RGL4: variants seen among roughly 807,000 people sequenced by gnomAD.
RGL4 encodes the protein ral-GDS-related protein.
Under a neutral mutation model 49.6 loss-of-function variants are expected in RGL4, and 41 were observed. The observed-to-expected ratio is 0.83, with a 90% CI of 0.64 to 1.07. The LOEUF (loss-of-function observed/expected upper bound fraction) is 1.07, where lower values mean the gene tolerates loss of function less well. Among genes scored for constraint, RGL4 ranks in the 50% least tolerant of loss-of-function variants. The pLI is 0.00. For synonymous variants in RGL4, 255 were observed against 238.0 expected (o/e 1.07, Z -0.66); for missense variants, 610 against 591.9 (o/e 1.03, Z -0.32).
chr22:23,692,397 C>T lies in RGL4; in HGVS notation c.242C>T (p.Pro81Leu), dbSNP rs747834188. The T allele has an allele frequency of 1.9e-5, 30 of 1,614,078 alleles. No individual in the cohort carries two copies. Among genetic ancestry groups the T allele is most frequent in the Middle Eastern group, 3.3e-4 (2 of 6,084 alleles). ...PENTSVYYQPPQRSSFRIKLA... is the reference protein window; with the variant it reads ...PENTSVYYQPLQRSSFRIKLA... ...AACACTTCAGTTTACTATCAGCCCC[C>T]GCAACGGTCATCTTTCCGGATAAAG... Residue 81 changes from proline (P) to leucine (L), a missense_variant, in exon 2 of 11, where the codon CCG becomes CTG. Coordinates refer to ENST00000290691, the MANE Select transcript of RGL4 (RefSeq NM_153615.2).
In RGL4 at chr22:23,693,982, A is replaced by G. The variant is rs1179114353; in HGVS notation, c.912+8A>G. The G allele has an allele frequency of 1.2e-6, 2 of 1,612,006 alleles. No homozygotes were observed. The highest frequency in any genetic ancestry group is 1.7e-5 in the Admixed American group (1 of 59,994). ...TGGATCAAGGTGGCCAGGGTAAGCT[A>G]TGGTTGGGCCTGGGGATTCCCTCTT... On this transcript the variant is annotated splice_region_variant and intron_variant, in intron 4 of 10. Coordinates refer to ENST00000290691, the MANE Select transcript of RGL4 (RefSeq NM_153615.2).
In RGL4 at chr22:23,692,098, T is replaced by C. The variant is rs1923168319; in HGVS notation, c.68T>C (p.Leu23Pro). 1.2e-6 allele frequency: 2 copies of C among 1,614,108 alleles called. No homozygotes were observed. The highest frequency in any genetic ancestry group is 1.7e-6 in the Non-Finnish European group (2 of 1,179,976). Residue 23 changes from leucine to proline, a missense_variant, in exon 1 of 11, where the codon CTC (leucine) becomes CCC (proline). Physicochemically the swap from Leu to Pro is moderately conservative, Grantham distance 98. Coordinates refer to ENST00000290691, the MANE Select transcript of RGL4 (RefSeq NM_153615.2). ...VLSAQVYSAVLQGLWEENVCG... is the reference protein window; with the variant it reads ...VLSAQVYSAVPQGLWEENVCG... The stretch of plus-strand genomic sequence containing the variant: ...AGTGCCCAGGTGTACAGTGCTGTGC[T>C]CCAGGGCCTTTGGGAAGAGAATGTC...
At chr22:23,698,794 ACCT>A in intron 10 of RGL4, 47 bp from the exon 11 acceptor site, 1 of 1,574,908 alleles carries the variant, frequency 6.3e-7, no homozygotes, top group Non-Finnish European at 8.6e-7. Context: ...CTGACAGGGG[ACCT>A]GATGTGTGGC....
At chr22:23,695,908 G>A (rs1361286689) in intron 6 of RGL4, among the ~76,000 whole-genome samples, 2 of 152,216 alleles carry the variant, frequency 1.3e-5, no homozygotes, top group Non-Finnish European at 2.9e-5. Context: ...GAACTCCCCT[G>A]GGGGATCATT....
chr22:23,692,774 C>A lies in RGL4; in HGVS notation c.479C>A (p.Ala160Glu), dbSNP rs746185232. 3.1e-6 allele frequency: 5 copies of A among 1,613,550 alleles called. No homozygotes were observed. The South Asian group carries it at 4.4e-5, about 14-fold the overall frequency. ...CCTGCTCTGGAGCCAGAGTCACCTG[C>A]AGCCCTGGGTCCACCAGGATATCTA... ...LGPALEPESP[A>E]ALGPPGYLHS... Residue 160 changes from alanine (A) to glutamate (E), a missense_variant, in exon 3 of 11, where the codon GCA becomes GAA. Ala to Glu is a moderately radical substitution (Grantham distance 107). Coordinates refer to ENST00000290691, the MANE Select transcript of RGL4 (RefSeq NM_153615.2).
At chr22:23,698,746 G>A in intron 10 of RGL4, 98 bp from the exon 11 acceptor site, 1 of 1,411,548 alleles carries the variant, frequency 7.1e-7, no homozygotes, top group Non-Finnish European at 9.5e-7. Flanking sequence ...CTGTTGCATG[G>A]GGACCACTGG....
intron 5 of RGL4, 67 bp from the exon 6 acceptor site, chr22:23,694,883 A>G: frequency 8.0e-7 from 1 of 1,253,070 alleles, no homozygotes; most frequent in Non-Finnish European, 1.2e-6. Flanking sequence ...TTCAAACAAA[A>G]GGGACTGGAA....
Position 23,692,959 on chromosome 22 carries a change from C to T in RGL4, c.664C>T (p.Leu222=), listed in dbSNP as rs757423466. 1.9e-6 allele frequency: 3 copies of T among 1,610,208 alleles called. No individual in the cohort carries two copies. Among genetic ancestry groups the T allele is most frequent in the Non-Finnish European group, 2.5e-6 (3 of 1,177,956 alleles). The change falls in exon 3 of 11, where the codon CTG becomes TTG. Residue 222 remains leucine, a synonymous_variant. Coordinates refer to ENST00000290691, the MANE Select transcript of RGL4 (RefSeq NM_153615.2). The stretch of plus-strand genomic sequence containing the variant: ...TGACATGACGACCTTCCCTCCCAGG[C>T]TGCTGGCAGAGCAGCTGACCCTCAT... ...LPDMTTFPPR[L]LAEQLTLMDA...
At chr22:23,694,265 G>C (rs1923341105) in intron 4 of RGL4, 82 bp from the exon 5 acceptor site, 2 of 1,088,348 alleles carry the variant, frequency 1.8e-6, no homozygotes, top group African/African-American at 3.1e-5. Context: ...CATCCAGGAG[G>C]GGAGATCTCA....
chr22:23,698,102 G>A lies in RGL4; in HGVS notation c.1261-110G>A, dbSNP rs1051652014. ...GAGAACAGGCTGGGGGCGCTGCATG[G>A]GACCCCTTCAGAAAACTGCCCCAGG... On this transcript the variant is annotated intron_variant, in intron 9 of 10. Transcript: ENST00000290691. 9.1e-6 allele frequency: 13 copies of A among 1,423,230 alleles called. No homozygotes were observed. The African/African-American group carries it at 1.7e-4, about 19-fold the overall frequency. 88.2% of individuals were successfully genotyped at this position (1,423,230 alleles called of 1,614,324 possible).
intron 5 of RGL4, 33 bp downstream of exon 5, chr22:23,694,483 G>A: frequency 4.1e-6 from 6 of 1,467,578 alleles, no homozygotes; most frequent in Non-Finnish European, 5.7e-6. Context: ...CAGCATCAGG[G>A]TTGACCTAGG....
At position 23,693,834 on chromosome 22, in the gene RGL4, C is replaced by G; in HGVS notation, c.772C>G (p.His258Asp). 6.2e-7 allele frequency: 1 copy of G among 1,614,072 alleles called. No individual in the cohort carries two copies. Among genetic ancestry groups the G allele is most frequent in the Non-Finnish European group, 8.5e-7 (1 of 1,180,024 alleles). Residue 258 changes from histidine to aspartate, a missense_variant, in exon 4 of 11, where the codon CAC becomes GAC. Physicochemically the swap from His to Asp is moderately conservative, Grantham distance 81. Transcript: ENST00000290691. ...CCAAGGACATCTGAAGGGGAATGAG[C>G]ACATGGCACCCACAGTTCGTGCCAC... Reference protein sequence around the residue: ...WGQGHLKGNEHMAPTVRATIA... With the variant: ...WGQGHLKGNEDMAPTVRATIA...
chr22:23,693,680 G>A, intron 3 of RGL4, 79 bp from the exon 4 acceptor site: 1 of 1,144,804 alleles, frequency 8.7e-7, no homozygotes, highest in Non-Finnish European at 1.3e-6. Flanking sequence ...ATGACTGTGA[G>A]CTCAGTCCCT....
In RGL4 at chr22:23,691,537, T is replaced by C. The variant is rs1923137658; in HGVS notation, c.-494T>C. ...GATGACAATCCCCCGGCCTTGATTC[T>C]ACTCAGAGTCAGGCACTCACAGTAG... On this transcript the variant is annotated 5_prime_UTR_variant, in exon 1 of 11. Transcript: ENST00000290691. 6.5e-6 allele frequency: 1 copy of C among 154,978 alleles called. No homozygotes were observed. 9.6% of individuals were successfully genotyped at this position (154,978 alleles called of 1,614,324 possible). A position where few individuals can be genotyped will look rare whatever the true frequency, so the allele number is the denominator to read the frequency against.
In RGL4 at chr22:23,692,285, TG is replaced by T. The variant is rs935923676; in HGVS notation, c.180-49del. On this transcript the variant is annotated intron_variant, in intron 1 of 10. Coordinates refer to ENST00000290691, the MANE Select transcript of RGL4 (RefSeq NM_153615.2). ...ACCACGCAGGGGTGCCCTGGAGGGT[TG>T]TGTGGGAGAAGGCCAGGCCTCTGAC... 3 of 1,608,824 alleles carry T rather than the reference TG, an allele frequency of 1.9e-6. No homozygotes were observed. The African/African-American group carries it at 4.0e-5, about 21-fold the overall frequency.
intron 9 of RGL4, 112 bp downstream of exon 9, chr22:23,697,973 T>A: frequency 7.4e-7 from 1 of 1,346,422 alleles, no homozygotes; most frequent in East Asian, 2.5e-5. Context: ...TTACTGGGAG[T>A]GTTTGACACA....
Position 23,697,220 on chromosome 22 carries a change from A to C in RGL4, c.1211A>C (p.Asp404Ala). ...GDFLTELQRLDSAIPDDLDGN... is the reference protein window; with the variant it reads ...GDFLTELQRLASAIPDDLDGN... The stretch of plus-strand genomic sequence containing the variant: ...TTTCTGACTGAGTTACAGAGGCTGG[A>C]TTCGGCCATCCCGGACGACCTGGAT... Residue 404 changes from aspartate (D) to alanine (A), a missense_variant, in exon 8 of 11, where the codon GAT becomes GCT. Coordinates refer to ENST00000290691, the MANE Select transcript of RGL4 (RefSeq NM_153615.2). 6.2e-7 allele frequency: 1 copy of C among 1,613,628 alleles called. No homozygotes were observed. Among genetic ancestry groups the C allele is most frequent in the Non-Finnish European group, 8.5e-7 (1 of 1,179,706 alleles).
intron 7 of RGL4, 61 bp downstream of exon 7, chr22:23,696,749 G>A (rs372329401): frequency 3.8e-5 from 54 of 1,432,090 alleles, no homozygotes; most frequent in Non-Finnish European, 4.5e-5. Context: ...TCCCTTCCCC[G>A]CCAGCTGGAG....
Position 23,691,761 on chromosome 22 carries a change from G to C in RGL4, c.-270G>C. Reference sequence around the variant, plus strand: ...AATATGTGGACTCTGGCTGGGGAGAGACTAAAGGAGCTCTGGGGCTCATAC... The same window carrying C: ...AATATGTGGACTCTGGCTGGGGAGACACTAAAGGAGCTCTGGGGCTCATAC... On this transcript the variant is annotated 5_prime_UTR_variant, in exon 1 of 11. Coordinates refer to ENST00000290691, the MANE Select transcript of RGL4 (RefSeq NM_153615.2). 2 of 395,484 alleles carry C rather than the reference G, an allele frequency of 5.1e-6. No homozygotes were observed. The highest frequency in any genetic ancestry group is 8.9e-5 in the South Asian group (2 of 22,586). The allele number at this position is 395,484 out of a possible 1,614,324, so 24.5% of individuals were successfully genotyped here. A position where few individuals can be genotyped will look rare whatever the true frequency, so the allele number is the denominator to read the frequency against.
Sources: gnomAD v4.1 joint callset for allele counts (sites outside exome capture counted in the v4.1 genomes callset) on GRCh38, gnomAD v4.1.1 for gene constraint, MANE v1.5 for transcripts, NCBI Gene and HGNC (gene_info 2026-07-23, HGNC 2026-07-21) for gene names.